The following GRK3 variants were observed in gnomAD, a reference collection of about 807,000 sequenced individuals.
GRK3 encodes the protein adrenergic, beta, receptor kinase 2.
A neutral mutation model predicts 95.7 loss-of-function variants in GRK3; 54 were observed. That is an observed-to-expected ratio of 0.56 (90% CI 0.45 to 0.71). The LOEUF (loss-of-function observed/expected upper bound fraction) is 0.71. GRK3 is among the 30% of genes least tolerant of loss of function. The pLI, the probability that GRK3 is intolerant of heterozygous loss-of-function variation, is 0.00. For missense variants in GRK3, 649 were observed against 851.2 expected, an observed-to-expected ratio of 0.76 and a Z score of 2.96; for synonymous variants, 281 against 290.8, an observed-to-expected ratio of 0.97 and a Z score of 0.34.
At chr22:25,624,555 C>T (rs1193768305) in intron 2 of GRK3, among the ~76,000 whole-genome samples, 1 of 152,088 alleles carries the variant, frequency 6.6e-6, no homozygotes, top group East Asian at 1.9e-4. Flanking sequence ...CAGAGTGAGA[C>T]TCCATCATTA....
intron 6 of GRK3, among the ~76,000 whole-genome samples, chr22:25,671,009 G>A (rs1051831217): frequency 2.7e-5 from 4 of 150,336 alleles, no homozygotes; most frequent in South Asian, 2.1e-4. Context: ...AGCTGAGATC[G>A]CGCCGCTGCA....
intron 9 of GRK3, among the ~76,000 whole-genome samples, chr22:25,681,118 A>G (rs1234272158): frequency 2.6e-5 from 4 of 152,290 alleles, no homozygotes; most frequent in African/African-American, 7.2e-5. Flanking sequence ...GCAGTCAGCA[A>G]TTCATCCAGT....
At position 25,583,840 on chromosome 22, in the gene GRK3, A is replaced by C. The variant is rs374310993; in HGVS notation, c.113+18687A>C. Among the ~76,000 whole-genome samples, 121 of 152,380 alleles carry C rather than the reference A, an allele frequency of 7.9e-4. 1 individual carries two copies. The highest frequency in any genetic ancestry group is 3.4e-3 in the Middle Eastern group (1 of 294). On this transcript the variant is annotated intron_variant, in intron 1 of 20. Transcript: ENST00000324198. ...TTGATTCTTCAAATGGTGCGAGATC[A>C]GAAATTCTTGAATTCATTTGAATGT...
intron 1 of GRK3, among the ~76,000 whole-genome samples, chr22:25,576,058 G>T (rs561961080): frequency 4.6e-5 from 7 of 152,274 alleles, no homozygotes; most frequent in Middle Eastern, 6.8e-3. Context: ...CCAAAAGTGC[G>T]CTAACTCACT....
At chr22:25,569,016 G>A (rs1444239557) in intron 1 of GRK3, among the ~76,000 whole-genome samples, 1 of 152,144 alleles carries the variant, frequency 6.6e-6, no homozygotes, top group Non-Finnish European at 1.5e-5. Flanking sequence ...TAGTGGACAT[G>A]GAGTTTATTC....
chr22:25,708,838 T>A (rs544535066), intron 15 of GRK3, among the ~76,000 whole-genome samples: 3 of 150,582 alleles, frequency 2.0e-5, no homozygotes, highest in Non-Finnish European at 4.4e-5. Flanking sequence ...ATTTTTTGTA[T>A]TTTAGTCGAG....
Position 25,604,250 on chromosome 22 carries a change from A to G in GRK3, c.114-127A>G, listed in dbSNP as rs1196187189. ...TTTTAGGCTGGTCTGCATTTCACGC[A>G]GTTGTGGCAAGAAGGGTCTCTTGTA... On this transcript the variant is annotated intron_variant, in intron 1 of 20. Transcript: ENST00000324198. 17 of 603,834 alleles carry G rather than the reference A, an allele frequency of 2.8e-5. No individual in the cohort carries two copies. The East Asian group carries it at 5.3e-4, about 19-fold the overall frequency. The allele number at this position is 603,834 out of a possible 1,614,324, so 37.4% of individuals were successfully genotyped here. A position where few individuals can be genotyped will look rare whatever the true frequency, so the allele number is the denominator to read the frequency against.
chr22:25,661,586 A>T lies in GRK3; in HGVS notation c.275A>T (p.Tyr92Phe), dbSNP rs374566498. 2.8e-5 allele frequency: 45 copies of T among 1,608,650 alleles called. No homozygotes were observed. The highest frequency in any genetic ancestry group is 8.0e-5 in the African/African-American group (6 of 74,756). The stretch of plus-strand genomic sequence containing the variant: ...CTTTAAAAAACCTAGATAAAGGAAT[A>T]TGAAAAACTTGATAATGAGGAAGAC... ...QVKFYEEIKE[Y>F]EKLDNEEDRL... Residue 92 changes from tyrosine to phenylalanine, a missense_variant, in exon 4 of 21, where the codon TAT becomes TTT. Around this residue, in one of 3 missense-constraint regions of GRK3, gnomAD observed 206 missense variants for 231.4 expected, o/e 0.89. Transcript: ENST00000324198.
In GRK3 at chr22:25,725,035, T is replaced by C. The variant is rs1378813961; in HGVS notation, c.*2585T>C. The C allele has an allele frequency of 6.6e-6, 1 of 152,096 alleles. No individual in the cohort carries two copies. Among genetic ancestry groups the C allele is most frequent in the Non-Finnish European group, 1.5e-5 (1 of 68,026 alleles). 9.4% of individuals were successfully genotyped at this position (152,096 alleles called of 1,614,324 possible). A position where few individuals can be genotyped will look rare whatever the true frequency, so the allele number is the denominator to read the frequency against. ...GCCACCTTTCCTGGCTAATTTATTT[T>C]TTGGGTAGAGATGGGGTCTTGAACT... On this transcript the variant is annotated 3_prime_UTR_variant, in exon 21 of 21. Transcript: ENST00000324198.
At chr22:25,599,103 T>G (rs2084391157) in intron 1 of GRK3, among the ~76,000 whole-genome samples, 1 of 152,226 alleles carries the variant, frequency 6.6e-6, no homozygotes, top group South Asian at 2.1e-4. Flanking sequence ...ATTTGTGAGC[T>G]AAAACTATAA....
Position 25,727,237 on chromosome 22 carries a change from T to C in GRK3, c.*4787T>C, listed in dbSNP as rs2085482165. 6.6e-6 allele frequency: 1 copy of C among 152,202 alleles called. No homozygotes were observed. Among genetic ancestry groups the C allele is most frequent in the African/African-American group, 2.4e-5 (1 of 41,452 alleles). The allele number at this position is 152,202 out of a possible 1,614,324, so 9.4% of individuals were successfully genotyped here. The stretch of plus-strand genomic sequence containing the variant: ...TGATTTTTCCCTCCTATGTAAAGTT[T>C]ACTGGAGAGACTTGAATTACTTAAA... On this transcript the variant is annotated 3_prime_UTR_variant, in exon 21 of 21. Transcript: ENST00000324198.
At chr22:25,611,668 T>C (rs1464833889) in intron 2 of GRK3, among the ~76,000 whole-genome samples, 1 of 152,206 alleles carries the variant, frequency 6.6e-6, no homozygotes, top group Non-Finnish European at 1.5e-5. Context: ...TTGGATTGTC[T>C]TTATGTTATT....
chr22:25,599,961 C>T (rs1406277430), intron 1 of GRK3, among the ~76,000 whole-genome samples: 3 of 152,114 alleles, frequency 2.0e-5, no homozygotes, highest in African/African-American at 7.2e-5. Flanking sequence ...TTAAAAAAGT[C>T]ATACTAAAAC....
In GRK3 at chr22:25,631,051, GTTTAT is replaced by G. The variant is rs577289079; in HGVS notation, c.191-13538_191-13534del. 1.9e-3 allele frequency among the ~76,000 whole-genome samples: 290 copies of G among 152,276 alleles called. 1 individual carries two copies. Among genetic ancestry groups the G allele is most frequent in the African/African-American group, 6.8e-3 (284 of 41,560 alleles). ...TAACTGAATACTCACTTTGATTTAT[GTTTAT>G]TTGCTCCTATTGGAACTTGGAAGAA... On this transcript the variant is annotated intron_variant, in intron 2 of 20. Transcript: ENST00000324198.
At chr22:25,722,136 G>A (rs1365215642) in intron 20 of GRK3, among the ~76,000 whole-genome samples, 153 bp from the exon 21 acceptor site, 2 of 152,144 alleles carry the variant, frequency 1.3e-5, no homozygotes, top group South Asian at 2.1e-4. Flanking sequence ...AGGTGGCAGC[G>A]TGACCCATCA....
At chr22:25,611,831 C>CTTTTT (rs752711382) in intron 2 of GRK3, among the ~76,000 whole-genome samples, 4 of 118,776 alleles carry the variant, frequency 3.4e-5, no homozygotes, top group Non-Finnish European at 5.3e-5. Context: ...AGTTTAGTGT[C>CTTTTT]TTTTTTTTTT....
At chr22:25,665,964 G>A (rs536866710) in intron 5 of GRK3, among the ~76,000 whole-genome samples, 2 of 152,274 alleles carry the variant, frequency 1.3e-5, no homozygotes, top group East Asian at 1.9e-4. Context: ...CCCTGAGCTC[G>A]GCTCTCAGTA....
chr22:25,599,705 C>G (rs1317243044), intron 1 of GRK3, among the ~76,000 whole-genome samples: 1 of 151,842 alleles, frequency 6.6e-6, no homozygotes, highest in Admixed American at 6.6e-5. Context: ...CTCAAATTGG[C>G]CAAATATTTG....
chr22:25,637,838 C>T (rs1053217274), intron 2 of GRK3, among the ~76,000 whole-genome samples: 37 of 152,104 alleles, frequency 2.4e-4, no homozygotes, highest in African/African-American at 4.8e-4. Context: ...CTGGCAGGCT[C>T]GAGATCCAGG....
Sources: gnomAD v4.1 joint callset for allele counts (sites outside exome capture counted in the v4.1 genomes callset) on GRCh38, gnomAD v4.1.1 for gene constraint, gnomAD v4.1.1 regional missense constraint, MANE v1.5 for transcripts, NCBI Gene and HGNC (gene_info 2026-07-23, HGNC 2026-07-21) for gene names.